The following B4GALT1 variants were observed in gnomAD, a reference collection of about 807,000 sequenced individuals.
B4GALT1 encodes beta-1,4-galactosyltransferase 1.
Under a neutral mutation model 34.9 loss-of-function variants are expected in B4GALT1, and 16 were observed. That is an observed-to-expected ratio of 0.46 (90% CI 0.31 to 0.70). The LOEUF is 0.70. Ranked by LOEUF, B4GALT1 falls within the 30% of genes least tolerant of loss-of-function variation. The pLI, the probability that B4GALT1 is intolerant of heterozygous loss-of-function variation, is 0.05. For missense variants in B4GALT1, 445 were observed against 530.5 expected, an observed-to-expected ratio of 0.84 and a Z score of 1.58; for synonymous variants, 221 against 218.1, an observed-to-expected ratio of 1.01 and a Z score of -0.12.
At chr9:33,176,830 CA>C in the B4GALT1 span, among the ~76,000 whole-genome samples, 1 of 101,636 alleles carries the variant, frequency 9.8e-6, no homozygotes, top group South Asian at 3.7e-4. Flanking sequence ...CACGTACCCC[CA>C]AATCTAACAT....
chr9:33,157,992 G>A (rs1469110897), intron 1 of B4GALT1, among the ~76,000 whole-genome samples: 1 of 152,120 alleles, frequency 6.6e-6, no homozygotes, highest in Admixed American at 6.5e-5. Context: ...CCATTTCTAC[G>A]GGTCATCCAC....
At chr9:33,168,156 G>A (rs1472822989), upstream of B4GALT1, among the ~76,000 whole-genome samples, 1 of 152,216 alleles carries the variant, frequency 6.6e-6, no homozygotes, top group African/African-American at 2.4e-5. Flanking sequence ...TCCCCATGTC[G>A]TAGAGTGGGG....
chr9:33,153,892 G>A (rs1327888993), intron 1 of B4GALT1, among the ~76,000 whole-genome samples: 1 of 149,612 alleles, frequency 6.7e-6, no homozygotes, highest in African/African-American at 2.5e-5. Context: ...ACCAAACAAA[G>A]ATCTCACGAC....
intron 1 of B4GALT1, 113 bp from the exon 2 acceptor site, chr9:33,135,537 T>G: frequency 8.9e-7 from 1 of 1,118,100 alleles, no homozygotes; most frequent in Non-Finnish European, 1.3e-6. Flanking sequence ...TGTCTCCTCC[T>G]GGGAGGCAAC....
chr9:33,181,179 A>G, the B4GALT1 span, among the ~76,000 whole-genome samples: 2 of 152,146 alleles, frequency 1.3e-5, no homozygotes, highest in Non-Finnish European at 2.9e-5. Context: ...CAGCACTTCA[A>G]GAGGCTGAGG....
chr9:33,109,535 T>C (rs1839830838), downstream of B4GALT1, among the ~76,000 whole-genome samples: 1 of 152,124 alleles, frequency 6.6e-6, no homozygotes. Flanking sequence ...GCTGGGTGAG[T>C]GGTATAAACC....
chr9:33,117,952 T>C (rs569988239), intron 3 of B4GALT1, among the ~76,000 whole-genome samples: 1 of 152,326 alleles, frequency 6.6e-6, no homozygotes, highest in African/African-American at 2.4e-5. Flanking sequence ...TTTTGCTGTC[T>C]CTGCTGCTTT....
chr9:33,167,682 C>T (rs1313345049), upstream of B4GALT1, among the ~76,000 whole-genome samples: 4 of 152,192 alleles, frequency 2.6e-5, no homozygotes, highest in Non-Finnish European at 5.9e-5. Context: ...GACTCGGGTG[C>T]GAGCCTGGGC....
At position 33,135,214 on chromosome 9, in the gene B4GALT1, TC is replaced by T; in HGVS notation, c.622del (p.Asp208ThrfsTer29). Reference sequence around the variant, plus strand: ...CTGGTTGATAACATAGATGCCATAGTCCAGCTGCTGGCGCTGCAGGACTGGG... The same window carrying T: ...CTGGTTGATAACATAGATGCCATAGTCAGCTGCTGGCGCTGCAGGACTGGG... ...LHPVLQRQQL[D>X]YGIYVINQAG... On this transcript the variant is annotated frameshift_variant, in exon 2 of 6. Coordinates refer to ENST00000379731, the MANE Select transcript of B4GALT1 (RefSeq NM_001497.4). LOFTEE classifies it high-confidence loss of function. The T allele has an allele frequency of 6.2e-7, 1 of 1,614,098 alleles. No homozygotes were observed.
At chr9:33,148,211 C>T (rs1039828401) in intron 1 of B4GALT1, among the ~76,000 whole-genome samples, 3 of 151,974 alleles carry the variant, frequency 2.0e-5, no homozygotes, top group African/African-American at 7.3e-5. Flanking sequence ...AGCAATTTAC[C>T]TAAGAGGAAT....
rs1006142075 is a variant in B4GALT1 at position 33,167,320 on chromosome 9, C to A, written c.-151G>T. ...GGCTGAGAGCTGAGACTCCTCCAGC[C>A]AGCCAGACCTGGGAGCGGCGAGAAG... On this transcript the variant is annotated 5_prime_UTR_variant, in exon 1 of 6. Transcript: ENST00000379731. The A allele has an allele frequency of 1.9e-6, 2 of 1,041,800 alleles. No individual in the cohort carries two copies. Among genetic ancestry groups the A allele is most frequent in the Non-Finnish European group, 2.5e-6 (2 of 791,774 alleles). The allele number at this position is 1,041,800 out of a possible 1,614,324, so 64.5% of individuals were successfully genotyped here.
chr9:33,149,710 C>T (rs1001463315), intron 1 of B4GALT1, among the ~76,000 whole-genome samples: 1 of 152,158 alleles, frequency 6.6e-6, no homozygotes, highest in African/African-American at 2.4e-5. Context: ...GTCTCTAGAT[C>T]TCGTTACACT....
At position 33,113,474 on chromosome 9, in the gene B4GALT1, C is replaced by T. The variant is rs1839893468; in HGVS notation, c.1177G>A (p.Asp393Asn). Residue 393 changes from aspartate to asparagine, a missense_variant, in exon 6 of 6, where the codon GAC (aspartate) becomes AAC (asparagine). Transcript: ENST00000379731. ...RYPLYTQITV[D>N]IGTPS ...AAACGCTAGCTCGGTGTCCCGATGT[C>T]CACTGTGATTTGGGTATACAATGGG... The T allele has an allele frequency of 6.2e-7, 1 of 1,614,084 alleles. No individual in the cohort carries two copies. Among genetic ancestry groups the T allele is most frequent in the Admixed American group, 1.7e-5 (1 of 60,014 alleles).
the B4GALT1 span, among the ~76,000 whole-genome samples, chr9:33,178,713 T>C: frequency 6.6e-6 from 1 of 152,256 alleles, no homozygotes; most frequent in Non-Finnish European, 1.5e-5. Context: ...CCTCAAGTGC[T>C]GCTTTCTCAG....
the B4GALT1 span, among the ~76,000 whole-genome samples, chr9:33,176,959 G>A: frequency 6.6e-6 from 1 of 152,010 alleles, no homozygotes; most frequent in African/African-American, 2.4e-5. Flanking sequence ...AGCCACATCC[G>A]TGACCTTAAG....
chr9:33,119,940 T>G (rs1020252595), intron 3 of B4GALT1, among the ~76,000 whole-genome samples: 2 of 152,116 alleles, frequency 1.3e-5, no homozygotes, highest in Admixed American at 6.5e-5. Flanking sequence ...ATCCAGCACT[T>G]CGAGAGGCCA....
intron 1 of B4GALT1, among the ~76,000 whole-genome samples, chr9:33,140,151 C>A (rs575878928): frequency 7.9e-5 from 12 of 152,256 alleles, no homozygotes; most frequent in African/African-American, 2.9e-4. Context: ...AACACCAGCA[C>A]GGACTCCTGA....
chr9:33,106,810 T>C (rs1839800023), downstream of B4GALT1, among the ~76,000 whole-genome samples: 1 of 152,152 alleles, frequency 6.6e-6, no homozygotes, highest in South Asian at 2.1e-4. Flanking sequence ...AGCAGGGCAC[T>C]TCCTACAGAA....
chr9:33,147,404 C>T (rs748744514), intron 1 of B4GALT1, among the ~76,000 whole-genome samples: 6 of 152,030 alleles, frequency 3.9e-5, no homozygotes, highest in Non-Finnish European at 7.4e-5. Context: ...CCTGCCACCA[C>T]GCCCAGCTGA....
Sources: allele counts gnomAD v4.1 joint callset (sites outside exome capture counted in the v4.1 genomes callset), GRCh38; gene constraint gnomAD v4.1.1; transcripts MANE v1.5; gene names NCBI Gene and HGNC (gene_info 2026-07-23, HGNC 2026-07-21).